PGM1: variants seen among roughly 807,000 people sequenced by gnomAD.
The protein encoded by PGM1 is phosphoglucomutase 1.
PGM1 carries 52 observed loss-of-function variants against 55.6 expected under a neutral mutation model. The observed-to-expected ratio is 0.94, with a 90% CI of 0.75 to 1.18. PGM1 has a LOEUF of 1.18. PGM1 is among the 50% of genes most tolerant of loss of function. The probability of loss-of-function intolerance (pLI) is 0.00; values close to 1 mark genes in which losing one functional copy is unlikely to be tolerated. For synonymous variants in PGM1, 287 were observed against 271.7 expected, an observed-to-expected ratio of 1.06 and a Z score of -0.55; for missense variants, 724 against 729.3, an observed-to-expected ratio of 0.99 and a Z score of 0.08.
At chr1:63,638,479 T>C (rs914305433) in intron 6 of PGM1, among the ~76,000 whole-genome samples, 2 of 152,196 alleles carry the variant, frequency 1.3e-5, no homozygotes, top group African/African-American at 4.8e-5. Flanking sequence ...TAATTCTTTC[T>C]TCTTCCGCCT....
intron 1 of PGM1, 46 bp downstream of exon 1, chr1:63,593,780 G>A (rs1647944773): frequency 3.9e-6 from 6 of 1,521,660 alleles, no homozygotes; most frequent in African/African-American, 2.8e-5. Flanking sequence ...TGGCGCGTGT[G>A]CGACGTGCGG....
chr1:63,641,048 C>G (rs1349510944), intron 7 of PGM1, among the ~76,000 whole-genome samples: 5 of 152,072 alleles, frequency 3.3e-5, no homozygotes, highest in Admixed American at 3.3e-4. Flanking sequence ...GTAATTAAAC[C>G]CTTAAAGTTT....
At chr1:63,625,183 G>A (rs1648985644) in intron 1 of PGM1, among the ~76,000 whole-genome samples, 1 of 152,166 alleles carries the variant, frequency 6.6e-6, no homozygotes, top group South Asian at 2.1e-4. Flanking sequence ...GAAGAATGTG[G>A]AAGAAGTGGT....
At position 63,654,429 on chromosome 1, in the gene PGM1, A is replaced by G. The variant is rs759532577; in HGVS notation, c.1562A>G (p.Tyr521Cys). The change falls in exon 10 of 11, where the codon TAT (tyrosine) becomes TGT (cysteine). Residue 521 changes from tyrosine (Y) to cysteine (C), a missense_variant. Around this residue, in one of 3 missense-constraint regions of PGM1, gnomAD observed 316 missense variants for 313.1 expected, o/e 1.01. Coordinates refer to ENST00000371084, the MANE Select transcript of PGM1 (RefSeq NM_002633.3). ...GATIRLYIDS[Y>C]EKDVAKINQD... Reference sequence around the variant, plus strand: ...ACCATTCGGCTGTACATCGATAGCTATGAGAAGGACGTTGCCAAGATTAAC... The same window carrying G: ...ACCATTCGGCTGTACATCGATAGCTGTGAGAAGGACGTTGCCAAGATTAAC... 1.2e-6 allele frequency: 2 copies of G among 1,614,100 alleles called. No individual in the cohort carries two copies. Among genetic ancestry groups the G allele is most frequent in the East Asian group, 4.5e-5 (2 of 44,874 alleles).
intron 4 of PGM1, among the ~76,000 whole-genome samples, chr1:63,634,096 T>A (rs1649296354): frequency 6.6e-6 from 1 of 151,422 alleles, no homozygotes; most frequent in African/African-American, 2.4e-5. Flanking sequence ...TGTGTTTTTT[T>A]AATCAGTTTG....
At chr1:63,618,717 T>A (rs1387387770) in intron 1 of PGM1, among the ~76,000 whole-genome samples, 6 of 152,036 alleles carry the variant, frequency 3.9e-5, no homozygotes, top group African/African-American at 1.2e-4. Context: ...ACCAGCTGGG[T>A]GAGGTGTGGC....
rs1395771160 is a variant in PGM1, at chr1:63,593,552, C to T, written c.64C>T (p.Leu22=). 1.9e-6 allele frequency: 3 copies of T among 1,613,884 alleles called. No individual in the cohort carries two copies. Among genetic ancestry groups the T allele is most frequent in the African/African-American group, 2.7e-5 (2 of 75,046 alleles). ...YQDQKPGTSG[L]RKRVKVFQSS... is the part of the protein sequence containing the mutation. ...GGACCAGAAGCCGGGCACGAGCGGG[C>T]TGCGGAAGCGGGTGAAGGTGTTCCA... Residue 22 remains leucine, a synonymous_variant, in exon 1 of 11, where the codon CTG becomes TTG. Transcript: ENST00000371084.
rs377092778 is a variant in PGM1, at chr1:63,649,528, G to A, written c.1280+876G>A. On this transcript the variant is annotated intron_variant, in intron 8 of 10. Coordinates refer to ENST00000371084, the MANE Select transcript of PGM1 (RefSeq NM_002633.3). Reference sequence around the variant, plus strand: ...GTTTATGTATAAGAAATGAATAGGTGTAATTTCTCTGGACCTCAGTTGCCT... The same window carrying A: ...GTTTATGTATAAGAAATGAATAGGTATAATTTCTCTGGACCTCAGTTGCCT... Among the ~76,000 whole-genome samples, 53 of 152,306 alleles carry A rather than the reference G, an allele frequency of 3.5e-4. No homozygotes were observed. In the South Asian group the frequency reaches 0.011, roughly 31 times the overall value.
Position 63,593,578 on chromosome 1 carries a change from G to C in PGM1, c.90G>C (p.Gln30His), listed in dbSNP as rs959694870. 3 of 1,613,790 alleles carry C rather than the reference G, an allele frequency of 1.9e-6. No homozygotes were observed. Among genetic ancestry groups the C allele is most frequent in the African/African-American group, 2.7e-5 (2 of 75,054 alleles). Residue 30 changes from glutamine to histidine, a missense_variant, in exon 1 of 11, where the codon CAG (glutamine) becomes CAC (histidine). Gln to His is a conservative substitution (Grantham distance 24, BLOSUM62 0). Coordinates refer to ENST00000371084, the MANE Select transcript of PGM1 (RefSeq NM_002633.3). ...SGLRKRVKVF[Q>H]SSANYAENFI... ...TGCGGAAGCGGGTGAAGGTGTTCCA[G>C]AGCAGCGCCAACTACGCGGAGAACT... is the stretch of plus-strand genomic sequence containing the variant.
chr1:63,613,218 C>T (rs973106413), intron 1 of PGM1, among the ~76,000 whole-genome samples: 2 of 147,282 alleles, frequency 1.4e-5, no homozygotes, highest in African/African-American at 5.1e-5. Context: ...GACTGCCTGT[C>T]ACTCAGACCA....
intron 1 of PGM1, among the ~76,000 whole-genome samples, chr1:63,613,284 G>A (rs1648617736): frequency 1.8e-5 from 1 of 55,868 alleles, no homozygotes; most frequent in Non-Finnish European, 3.1e-5. Flanking sequence ...TTTTTTTTAA[G>A]CACTTAGCAG....
At chr1:63,599,100 C>A (rs1648161097) in intron 1 of PGM1, among the ~76,000 whole-genome samples, 1 of 152,096 alleles carries the variant, frequency 6.6e-6, no homozygotes, top group Non-Finnish European at 1.5e-5. Context: ...GGTGGAGACA[C>A]CTTGCTACTT....
chr1:63,620,926 A>G (rs1429880164), intron 1 of PGM1, among the ~76,000 whole-genome samples: 1 of 152,204 alleles, frequency 6.6e-6, no homozygotes, highest in Non-Finnish European at 1.5e-5. Context: ...ATGAAGTTCA[A>G]CCTTTGCTGG....
At chr1:63,627,193 G>A (rs1649048376) in intron 1 of PGM1, among the ~76,000 whole-genome samples, 1 of 151,902 alleles carries the variant, frequency 6.6e-6, no homozygotes, top group African/African-American at 2.4e-5. Context: ...GAGTAATACT[G>A]CTGTGAAATT....
intron 10 of PGM1, chr1:63,656,013 G>A (rs7519583): frequency 0.27 from 41,096 of 152,014 alleles, 6,029 homozygotes; most frequent in Admixed American, 0.36. Flanking sequence ...TACCCACTGC[G>A]CTTCAGCCTG....
At position 63,647,276 on chromosome 1, in the gene PGM1, A is replaced by T. The variant is rs1160194144; in HGVS notation, c.1145-1241A>T. Among the ~76,000 whole-genome samples the T allele has an allele frequency of 3.7e-4, 17 of 45,568 alleles. 2 individuals carry two copies. Among genetic ancestry groups the T allele is most frequent in the Admixed American group, 1.9e-3 (13 of 6,958 alleles). 29.9% of individuals were successfully genotyped at this position (45,568 alleles called of 152,430 possible). ...AAATTTTACATATATATATATATAT[A>T]TATATATATATATATATATATATAT... On this transcript the variant is annotated intron_variant, in intron 7 of 10. Transcript: ENST00000371084.
Position 63,593,621 on chromosome 1 carries a change from T to C in PGM1, c.133T>C (p.Ser45Pro), listed in dbSNP as rs761749627. The change falls in exon 1 of 11, where the codon TCC becomes CCC. Residue 45 changes from serine (S) to proline (P), a missense_variant. Ser to Pro is a moderately conservative substitution (Grantham distance 74). Around this residue, in one of 3 missense-constraint regions of PGM1, gnomAD observed 379 missense variants for 357.5 expected, o/e 1.06. Coordinates refer to ENST00000371084, the MANE Select transcript of PGM1 (RefSeq NM_002633.3). ...GGAGAACTTCATCCAGAGTATCATC[T>C]CCACCGTGGAGCCGGCGCAGCGGCA... Reference protein sequence around the residue: ...YAENFIQSIISTVEPAQRQEA... With the variant: ...YAENFIQSIIPTVEPAQRQEA... The C allele has an allele frequency of 3.7e-6, 6 of 1,612,814 alleles. No homozygotes were observed. The South Asian group carries it at 6.6e-5, about 18-fold the overall frequency.
intron 1 of PGM1, 56 bp downstream of exon 1, chr1:63,593,790 GC>G (rs1366923308): frequency 6.7e-7 from 1 of 1,492,434 alleles, no homozygotes; most frequent in East Asian, 2.7e-5. Context: ...GCGACGTGCG[GC>G]CCGCGGCGCC....
chr1:63,658,822 G>A (rs550432643), intron 10 of PGM1, among the ~76,000 whole-genome samples: 2 of 152,112 alleles, frequency 1.3e-5, no homozygotes, highest in Admixed American at 1.3e-4. Context: ...CCTGAGACTG[G>A]GCAATTTACA....
Sources: allele counts gnomAD v4.1 joint callset (sites outside exome capture counted in the v4.1 genomes callset), GRCh38; gene constraint gnomAD v4.1.1; regional missense constraint gnomAD v4.1.1; transcripts MANE v1.5; gene names NCBI Gene and HGNC (gene_info 2026-07-23, HGNC 2026-07-21).